Variants in OLFM4 observed in about 807,000 individuals in gnomAD.
OLFM4 encodes olfactomedin 4, also known as olfactomedin-4.
A neutral mutation model predicts 25.5 loss-of-function variants in OLFM4; 22 were observed. That is an observed-to-expected ratio of 0.86 (90% confidence interval 0.62 to 1.23). The LOEUF (loss-of-function observed/expected upper bound fraction) is 1.23, where lower values mean the gene tolerates loss of function less well. Among genes scored for constraint, OLFM4 ranks in the 50% most tolerant of loss-of-function variants. The pLI, the probability that OLFM4 is intolerant of heterozygous loss-of-function variation, is 0.00. For synonymous variants in OLFM4, 255 were observed against 237.7 expected, an observed-to-expected ratio of 1.07 and a Z score of -0.67; for missense variants, 594 against 619.4, an observed-to-expected ratio of 0.96 and a Z score of 0.44.
In OLFM4 at chr13:53,028,865, C is replaced by A; in HGVS notation, c.29C>A (p.Ala10Asp). Residue 10 changes from alanine to aspartate, a missense_variant, in exon 1 of 5, where the codon GCC becomes GAC. Transcript: ENST00000219022. MRPGLSFLL[A>D]LLFFLGQAAG... ...AGGCCCGGCCTCTCATTTCTCCTAG[C>A]CCTTCTGTTCTTCCTTGGCCAAGCT... 1 of 1,614,204 alleles carries A rather than the reference C, an allele frequency of 6.2e-7. No homozygotes were observed. The highest frequency in any genetic ancestry group is 8.5e-7 in the Non-Finnish European group (1 of 1,180,040).
At chr13:53,044,321 A>G (rs538607703) in intron 4 of OLFM4, among the ~76,000 whole-genome samples, 3 of 152,300 alleles carry the variant, frequency 2.0e-5, no homozygotes, top group East Asian at 1.9e-4. Context: ...AGAGATATCA[A>G]TGACACAGGG....
chr13:53,040,805 T>C (rs982092387), intron 2 of OLFM4, among the ~76,000 whole-genome samples: 15 of 152,190 alleles, frequency 9.9e-5, no homozygotes, highest in African/African-American at 3.1e-4. Context: ...GGCAAGAGAC[T>C]ATGATACAAA....
intron 1 of OLFM4, among the ~76,000 whole-genome samples, chr13:53,029,358 T>TA (rs965092721): frequency 1.8e-4 from 27 of 152,180 alleles, no homozygotes; most frequent in East Asian, 1.2e-3. Flanking sequence ...GTTCTGTACT[T>TA]AAAAAAATCC....
intron 4 of OLFM4, among the ~76,000 whole-genome samples, chr13:53,048,507 A>G (rs1027860012): frequency 3.3e-5 from 5 of 152,194 alleles, no homozygotes; most frequent in Admixed American, 3.3e-4. Context: ...ATTTCTAGTA[A>G]TGGTTTCACC....
intron 2 of OLFM4, 40 bp downstream of exon 2, chr13:53,034,540 A>G: frequency 6.5e-7 from 1 of 1,535,310 alleles, no homozygotes; most frequent in African/African-American, 1.4e-5. Flanking sequence ...GATAAAGAGA[A>G]ACAAAACAAA....
chr13:53,030,477 A>G (rs1194544223), intron 1 of OLFM4, among the ~76,000 whole-genome samples: 4 of 151,860 alleles, frequency 2.6e-5, no homozygotes, highest in Non-Finnish European at 5.9e-5. Flanking sequence ...TAATTTTTGT[A>G]TTTTTAGTAG....
chr13:53,033,372 G>A (rs1488048198), intron 1 of OLFM4, among the ~76,000 whole-genome samples: 1 of 152,180 alleles, frequency 6.6e-6, no homozygotes, highest in Non-Finnish European at 1.5e-5. Context: ...TTCCCATTTT[G>A]AAGGATGTTA....
At chr13:53,048,436 A>C (rs1954726728) in intron 4 of OLFM4, among the ~76,000 whole-genome samples, 1 of 152,208 alleles carries the variant, frequency 6.6e-6, no homozygotes, top group African/African-American at 2.4e-5. Context: ...AGAGCATTTA[A>C]GGAGCATATA....
chr13:53,034,231 T>A, intron 1 of OLFM4, 117 bp from the exon 2 acceptor site: 1 of 883,604 alleles, frequency 1.1e-6, no homozygotes, highest in Admixed American at 2.5e-5. Context: ...TTCATTTATG[T>A]ATTGGACTCC....
At position 53,050,230 on chromosome 13, in the gene OLFM4, C is replaced by G. The variant is rs747712590; in HGVS notation, c.992C>G (p.Thr331Arg). ...LRITYGQGSGTAVYNNNMYVN... is the reference protein window; with the variant it reads ...LRITYGQGSGRAVYNNNMYVN... ...ATCACCTATGGCCAAGGTAGTGGTA[C>G]AGCAGTTTACAACAACAACATGTAC... Residue 331 changes from threonine to arginine, a missense_variant, in exon 5 of 5, where the codon ACA becomes AGA. By Grantham distance (71) the Thr-to-Arg change is moderately conservative. Transcript: ENST00000219022. The G allele has an allele frequency of 2.5e-6, 4 of 1,614,076 alleles. No individual in the cohort carries two copies. The highest frequency in any genetic ancestry group is 1.1e-5 in the South Asian group (1 of 91,086).
chr13:53,039,795 A>G (rs911714487), intron 2 of OLFM4, among the ~76,000 whole-genome samples: 2 of 152,166 alleles, frequency 1.3e-5, no homozygotes, highest in Non-Finnish European at 2.9e-5. Flanking sequence ...GGTACATCCA[A>G]TGGCAGTGAG....
chr13:53,037,138 G>T (rs1453912555), intron 2 of OLFM4, among the ~76,000 whole-genome samples: 1 of 152,342 alleles, frequency 6.6e-6, no homozygotes, highest in South Asian at 2.1e-4. Context: ...CAGTAGAAAA[G>T]GTTTTTGACT....
At chr13:53,042,397 A>G (rs990298667) in intron 3 of OLFM4, among the ~76,000 whole-genome samples, 9 of 152,212 alleles carry the variant, frequency 5.9e-5, no homozygotes, top group African/African-American at 2.2e-4. Flanking sequence ...TTCTCTGAAA[A>G]GGAGCTGGCA....
intron 4 of OLFM4, among the ~76,000 whole-genome samples, chr13:53,049,015 G>A (rs1233043333): frequency 6.6e-6 from 1 of 152,142 alleles, no homozygotes; most frequent in African/African-American, 2.4e-5. Context: ...CAATGTGAAG[G>A]GTTGATCGCC....
In OLFM4 at chr13:53,028,929, C is replaced by T. The variant is rs1218185069; in HGVS notation, c.93C>T (p.Ser31=). 3 of 1,614,244 alleles carry T rather than the reference C, an allele frequency of 1.9e-6. No individual in the cohort carries two copies. Among genetic ancestry groups the T allele is most frequent in the Non-Finnish European group, 1.7e-6 (2 of 1,180,054 alleles). Residue 31 remains serine (S), a synonymous_variant, in exon 1 of 5, where the codon AGC becomes AGT. Transcript: ENST00000219022. ...DLGDVGPPIP[S]PGFSSFPGVD... ...GGGATGTGGGACCTCCAATTCCCAG[C>T]CCCGGCTTCAGCTCTTTCCCAGGTG...
chr13:53,041,616 C>T (rs1954687243), intron 2 of OLFM4, among the ~76,000 whole-genome samples: 1 of 152,046 alleles, frequency 6.6e-6, no homozygotes, highest in African/African-American at 2.4e-5. Context: ...TACCCCTGAG[C>T]CTAAAACCTT....
chr13:53,043,415 T>A, intron 4 of OLFM4, 151 bp downstream of exon 4: 1 of 611,294 alleles, frequency 1.6e-6, no homozygotes, highest in East Asian at 3.1e-5. Context: ...TCTTCCATGT[T>A]TTAAAATTCC....
intron 1 of OLFM4, among the ~76,000 whole-genome samples, chr13:53,029,778 T>G (rs1157281392): frequency 6.6e-6 from 1 of 152,146 alleles, no homozygotes; most frequent in African/African-American, 2.4e-5. Flanking sequence ...CCAAAAGTCA[T>G]GCATTACAAC....
chr13:53,050,887 G>A lies in OLFM4; in HGVS notation c.*116G>A. 3 of 840,546 alleles carry A rather than the reference G, an allele frequency of 3.6e-6. No individual in the cohort carries two copies. Among genetic ancestry groups the A allele is most frequent in the Non-Finnish European group, 5.4e-6 (3 of 550,688 alleles). 52.1% of individuals were successfully genotyped at this position (840,546 alleles called of 1,614,324 possible). Reference sequence around the variant, plus strand: ...GTGTTCATTTTGCAGCAATGTTTAGGTGCATAGTTCTACCACACTAGAGAT... The same window carrying A: ...GTGTTCATTTTGCAGCAATGTTTAGATGCATAGTTCTACCACACTAGAGAT... On this transcript the variant is annotated 3_prime_UTR_variant, in exon 5 of 5. Coordinates refer to ENST00000219022, the MANE Select transcript of OLFM4 (RefSeq NM_006418.5).
Sources: allele counts gnomAD v4.1 joint callset (sites outside exome capture counted in the v4.1 genomes callset), GRCh38; gene constraint gnomAD v4.1.1; transcripts MANE v1.5; gene names NCBI Gene and HGNC (gene_info 2026-07-23, HGNC 2026-07-21).